USP6: variants seen among roughly 807,000 people sequenced by gnomAD.
USP6 encodes the protein ubiquitin specific peptidase 6.
Under a neutral mutation model 175.7 loss-of-function variants are expected in USP6, and 128 were observed. That is an observed-to-expected ratio of 0.73 (90% CI 0.63 to 0.84). The LOEUF is 0.84. USP6 is among the 40% of genes least tolerant of loss of function. The pLI, the probability that USP6 is intolerant of heterozygous loss-of-function variation, is 0.00. For missense variants in USP6, 1,498 were observed against 1,760.3 expected, an observed-to-expected ratio of 0.85 and a Z score of 2.67; for synonymous variants, 562 against 630.6, an observed-to-expected ratio of 0.89 and a Z score of 1.63.
At chr17:5,133,142 T>G in intron 13 of USP6, 152 bp downstream of exon 13, 1 of 973,422 alleles carries the variant, frequency 1.0e-6, no homozygotes, top group Non-Finnish European at 1.5e-6. Context: ...CCAGATTGCC[T>G]GCCTATTCGT....
rs559015927 is a variant in USP6 at position 5,122,363 on chromosome 17, T to C, written c.-1299+613T>C. On this transcript the variant is annotated intron_variant, in intron 4 of 37. Coordinates refer to ENST00000574788, the MANE Select transcript of USP6 (RefSeq NM_001304284.2). ...ATCAGCCACAGGGTGAAGAGCAAGG[T>C]GGGTGGTGGTCGGGTTTGCAGGTGG... is the stretch of plus-strand genomic sequence containing the variant. Among the ~76,000 whole-genome samples the C allele has an allele frequency of 4.6e-5, 7 of 152,134 alleles. No individual in the cohort carries two copies. The South Asian group carries it at 1.5e-3, about 32-fold the overall frequency.
chr17:5,152,373 C>T (rs1479954719), intron 30 of USP6, among the ~76,000 whole-genome samples: 7 of 152,050 alleles, frequency 4.6e-5, no homozygotes, highest in Admixed American at 4.6e-4. Context: ...AGTAGAGCAA[C>T]AGGAACTCTC....
chr17:5,158,598 AGAGAGAGG>A (rs2073936376), intron 31 of USP6, among the ~76,000 whole-genome samples: 1 of 134,086 alleles, frequency 7.5e-6, no homozygotes, highest in Non-Finnish European at 1.6e-5. Flanking sequence ...AGAGAGAGAG[AGAGAGAGG>A]GAGAGGGGGA....
rs1009895919 is a variant in USP6 at position 5,132,101 on chromosome 17, A to G, written c.156-295A>G. On this transcript the variant is annotated intron_variant, in intron 11 of 37. Transcript: ENST00000574788. This position sits in a 1 kb window ranked among gnomAD's most constrained non-coding sequence, Gnocchi z 4.7. Reference sequence around the variant, plus strand: ...GGCTAACCTTTCTCAGCTCCAGCAGAAAGCACCACCTCAAGTCCAGGATGG... The same window carrying G: ...GGCTAACCTTTCTCAGCTCCAGCAGGAAGCACCACCTCAAGTCCAGGATGG... 4.5e-6 allele frequency: 5 copies of G among 1,111,176 alleles called. No individual in the cohort carries two copies. The highest frequency in any genetic ancestry group is 1.6e-5 in the African/African-American group (1 of 63,100). The allele number at this position is 1,111,176 out of a possible 1,614,324, so 68.8% of individuals were successfully genotyped here.
intron 4 of USP6, among the ~76,000 whole-genome samples, chr17:5,123,715 GAC>G (rs1427474716): frequency 6.6e-6 from 1 of 152,156 alleles, no homozygotes; most frequent in Non-Finnish European, 1.5e-5. Flanking sequence ...GCTCTCACGG[GAC>G]ACACGCAGGT....
chr17:5,132,895 T>C lies in USP6; in HGVS notation c.196-15T>C. 6.2e-7 allele frequency: 1 copy of C among 1,614,094 alleles called. No individual in the cohort carries two copies. Among genetic ancestry groups the C allele is most frequent in the Non-Finnish European group, 8.5e-7 (1 of 1,179,962 alleles). ...CCTGGCAGCTCCACTAACTCCAACATGCCTCATTTGACAGAAAATTCGGCG... is the reference window on the plus strand; with the variant it reads ...CCTGGCAGCTCCACTAACTCCAACACGCCTCATTTGACAGAAAATTCGGCG... On this transcript the variant is annotated splice_polypyrimidine_tract_variant and intron_variant, in intron 12 of 37. Coordinates refer to ENST00000574788, the MANE Select transcript of USP6 (RefSeq NM_001304284.2). This position sits in a 1 kb window ranked among gnomAD's most constrained non-coding sequence, Gnocchi z 4.7.
chr17:5,139,978 C>T (rs779500952), intron 22 of USP6, among the ~76,000 whole-genome samples: 3 of 151,998 alleles, frequency 2.0e-5, no homozygotes, highest in Non-Finnish European at 2.9e-5. Context: ...ATTAAGAAAG[C>T]GTGCAGCTTG....
chr17:5,122,500 CAA>C (rs1448830955), intron 4 of USP6, among the ~76,000 whole-genome samples: 2 of 152,250 alleles, frequency 1.3e-5, no homozygotes, highest in African/African-American at 4.8e-5. Context: ...TTCCAAAGGA[CAA>C]GCGGCCCGGC....
chr17:5,142,246 T>G (rs1430551024), intron 24 of USP6, 105 bp downstream of exon 24: 7 of 1,537,146 alleles, frequency 4.6e-6, no homozygotes, highest in Admixed American at 4.1e-5. Context: ...GATTTTATCT[T>G]ATTTGCCCTA....
Position 5,132,769 on chromosome 17 carries a change from G to A in USP6, c.196-141G>A, listed in dbSNP as rs1567780221. ...CCCATTGGTGCTCATTTGCTCAAAGGCTCTCAGCCCTTAGGGTCTGCCCTT... is the reference window on the plus strand; with the variant it reads ...CCCATTGGTGCTCATTTGCTCAAAGACTCTCAGCCCTTAGGGTCTGCCCTT... On this transcript the variant is annotated intron_variant, in intron 12 of 37. Transcript: ENST00000574788. This position sits in a 1 kb window ranked among gnomAD's most constrained non-coding sequence, Gnocchi z 4.7. 2 of 1,108,452 alleles carry A rather than the reference G, an allele frequency of 1.8e-6. No individual in the cohort carries two copies. Among genetic ancestry groups the A allele is most frequent in the Non-Finnish European group, 1.4e-6 (1 of 736,404 alleles). 68.7% of individuals were successfully genotyped at this position (1,108,452 alleles called of 1,614,324 possible). A position where few individuals can be genotyped will look rare whatever the true frequency, so the allele number is the denominator to read the frequency against.
In USP6 at chr17:5,138,144, TGTG is replaced by T; in HGVS notation, c.951_953del (p.Gly318del). 1 of 1,614,098 alleles carries T rather than the reference TGTG, an allele frequency of 6.2e-7. No individual in the cohort carries two copies. The highest frequency in any genetic ancestry group is 1.1e-5 in the South Asian group (1 of 91,088). ...AGAGCGCCTCATGAAGACATCCAGG[TGTG>T]GCCTGTGGGCACGTCTGCGGAACCA... On this transcript the variant is annotated inframe_deletion, in exon 21 of 38. Coordinates refer to ENST00000574788, the MANE Select transcript of USP6 (RefSeq NM_001304284.2).
At chr17:5,137,333 A>T in intron 19 of USP6, 147 bp downstream of exon 19, 4 of 1,107,504 alleles carry the variant, frequency 3.6e-6, no homozygotes, top group Non-Finnish European at 5.3e-6. Flanking sequence ...CCTCTGCCCA[A>T]GAGGGGTCAT....
intron 5 of USP6, among the ~76,000 whole-genome samples, 153 bp downstream of exon 5, chr17:5,125,425 G>C (rs1400716137): frequency 6.6e-6 from 1 of 151,962 alleles, no homozygotes; most frequent in South Asian, 2.1e-4. Flanking sequence ...ACTGGTCTCG[G>C]GTAGCAAAAA....
At chr17:5,144,618 G>A (rs1458435505) in intron 25 of USP6, 72 bp from the exon 26 acceptor site, 2 of 1,512,142 alleles carry the variant, frequency 1.3e-6, no homozygotes, top group African/African-American at 2.8e-5. Flanking sequence ...GGCTCTGATT[G>A]GATTATAGGA....
chr17:5,129,948 C>A lies in USP6; in HGVS notation c.-143C>A. The A allele has an allele frequency of 4.4e-6, 1 of 228,222 alleles. No homozygotes were observed. The highest frequency in any genetic ancestry group is 8.7e-6 in the Non-Finnish European group (1 of 115,076). 14.1% of individuals were successfully genotyped at this position (228,222 alleles called of 1,614,324 possible). Reference sequence around the variant, plus strand: ...TTGTTCCCCGTAGGAAACTGGGCATCTCTGTGGCCCTGAACATCCCAGGAG... The same window carrying A: ...TTGTTCCCCGTAGGAAACTGGGCATATCTGTGGCCCTGAACATCCCAGGAG... On this transcript the variant is annotated 5_prime_UTR_variant, in exon 9 of 38. Transcript: ENST00000574788.
chr17:5,141,978 T>G (rs1208663882), intron 23 of USP6, 25 bp from the exon 24 acceptor site: 1 of 1,602,234 alleles, frequency 6.2e-7, no homozygotes, highest in African/African-American at 1.3e-5. Flanking sequence ...CAGCTAAGCT[T>G]TGGTTCTCAT....
chr17:5,139,444 A>G lies in USP6; in HGVS notation c.1268A>G (p.Asp423Gly). Residue 423 changes from aspartate to glycine, a missense_variant, in exon 22 of 38, where the codon GAC (aspartate) becomes GGC (glycine). This residue lies in a region of USP6 where 1,217 missense variants were observed against 1,500.8 expected (regional missense o/e 0.81). Transcript: ENST00000574788. ...TGTCCTGGTGGGGCTGTCCGGGAAG[A>G]CACGTACCCTGTGGGCACTCAGGGT... ...TPCPGGAVRE[D>G]TYPVGTQGVP... The G allele has an allele frequency of 1.2e-6, 2 of 1,613,082 alleles. No individual in the cohort carries two copies. The highest frequency in any genetic ancestry group is 1.7e-6 in the Non-Finnish European group (2 of 1,180,004).
Position 5,171,529 on chromosome 17 carries a change from T to C in USP6, c.3955-58T>C. On this transcript the variant is annotated intron_variant, in intron 36 of 37. Coordinates refer to ENST00000574788, the MANE Select transcript of USP6 (RefSeq NM_001304284.2). ...TTCTCCTGCTCAGATCTTAGTGCTA[T>C]ACCCTGGCCATAGTACAGTTAACTA... 3.3e-6 allele frequency: 5 copies of C among 1,535,016 alleles called. No homozygotes were observed. In the South Asian group the frequency reaches 5.7e-5, roughly 18 times the overall value.
rs546523043 is a variant in USP6, at chr17:5,127,623, G to A, written c.-354G>A. 6.6e-6 allele frequency: 1 copy of A among 152,376 alleles called. No individual in the cohort carries two copies. Among genetic ancestry groups the A allele is most frequent in the African/African-American group, 2.4e-5 (1 of 41,584 alleles). The allele number at this position is 152,376 out of a possible 1,614,324, so 9.4% of individuals were successfully genotyped here. A position where few individuals can be genotyped will look rare whatever the true frequency, so the allele number is the denominator to read the frequency against. On this transcript the variant is annotated 5_prime_UTR_variant, in exon 7 of 38. The change creates a new upstream start codon in the 5' untranslated region. Transcript: ENST00000574788. ...TGTCCTGAACTGGGCCCTTCCTCCA[G>A]TGAGAAGCCTTCCTGAGTGAGTTTA... is the stretch of plus-strand genomic sequence containing the variant.
Sources: gnomAD v4.1 joint callset for allele counts (sites outside exome capture counted in the v4.1 genomes callset) on GRCh38, gnomAD v4.1.1 for gene constraint, gnomAD v4.1.1 regional missense constraint, Gnocchi (gnomAD v3.1) non-coding constraint, MANE v1.5 for transcripts, NCBI Gene and HGNC (gene_info 2026-07-23, HGNC 2026-07-21) for gene names.